Variants in USP50 observed in about 807,000 individuals in gnomAD.
The protein encoded by USP50 is ubiquitin carboxyl-terminal hydrolase 50.
In USP50, 37 loss-of-function variants were observed where a neutral mutation model predicts 39.2. That is an observed-to-expected ratio of 0.94 (90% CI 0.73 to 1.24). The LOEUF is 1.24. Ranked by LOEUF, USP50 falls within the 50% of genes most tolerant of loss-of-function variation. The pLI, the probability that USP50 is intolerant of heterozygous loss-of-function variation, is 0.00. For missense variants in USP50, 374 were observed against 398.2 expected (o/e 0.94, Z 0.52); for synonymous variants, 139 against 144.5 (o/e 0.96, Z 0.27).
At chr15:50,501,737 G>T (rs1165220818) in intron 6 of USP50, 2 of 152,128 alleles carry the variant, frequency 1.3e-5, no homozygotes, top group Non-Finnish European at 2.9e-5. Flanking sequence ...CCAAGGAGGT[G>T]TTATGGTGTA....
At position 50,541,150 on chromosome 15, in the gene USP50, A is replaced by C; in HGVS notation, c.559T>G (p.Tyr187Asp). Residue 187 changes from tyrosine (Y) to aspartate (D), a missense_variant, in exon 4 of 7, where the codon TAT becomes GAT. Coordinates refer to ENST00000532404, the MANE Select transcript of USP50 (RefSeq NM_203494.5). ...ITQLFEEQLN[Y>D]SIVCLKCEKC... The stretch of plus-strand genomic sequence containing the variant: ...TCACACTTTAAACATACGATGCTAT[A>C]ATTGAGCTGCTCTTCAAACAGCTGG... The C allele has an allele frequency of 6.2e-7, 1 of 1,613,956 alleles. No homozygotes were observed.
At chr15:50,517,089 C>T (rs2052809516) in intron 6 of USP50, among the ~76,000 whole-genome samples, 1 of 152,154 alleles carries the variant, frequency 6.6e-6, no homozygotes, top group South Asian at 2.1e-4. Flanking sequence ...ACATTCCATC[C>T]AATAGCAACA....
At chr15:50,546,422 A>G in intron 1 of USP50, 51 bp downstream of exon 1, 2 of 1,602,702 alleles carry the variant, frequency 1.2e-6, no homozygotes, top group Non-Finnish European at 1.7e-6. Context: ...TCTGAGCTTG[A>G]CTTTCCCACC....
chr15:50,545,587 T>C (rs1001223693), intron 1 of USP50, among the ~76,000 whole-genome samples: 17 of 151,410 alleles, frequency 1.1e-4, no homozygotes, highest in African/African-American at 3.4e-4. Flanking sequence ...TATGTATGTA[T>C]GGCATATATA....
chr15:50,526,112 G>A (rs577379070), intron 6 of USP50, among the ~76,000 whole-genome samples: 1 of 152,206 alleles, frequency 6.6e-6, no homozygotes, highest in African/African-American at 2.4e-5. Context: ...AGGCCGGAGC[G>A]CAGTGGCACT....
intron 6 of USP50, among the ~76,000 whole-genome samples, chr15:50,523,175 C>CTGTTTTTTTTT (rs2052863842): frequency 9.6e-6 from 1 of 104,208 alleles, no homozygotes. Context: ...AAATCAGTAG[C>CTGTTTTTTTTT]TTTTTTTTTT....
chr15:50,538,790 G>A lies in USP50; in HGVS notation c.722C>T (p.Ser241Phe), dbSNP rs1198915212. ...ALTWNNEIHC[S>F]FCETKQETAV... ...AGTTTCTTGCTTGGTTTCACAAAAGGAGCAGTGAATTTCGTTGTTCCAGGT... is the reference window on the plus strand; with the variant it reads ...AGTTTCTTGCTTGGTTTCACAAAAGAAGCAGTGAATTTCGTTGTTCCAGGT... The change falls in exon 5 of 7, where the codon TCC becomes TTC. Residue 241 changes from serine to phenylalanine, a missense_variant. Physicochemically the swap from Ser to Phe is radical, Grantham distance 155 (BLOSUM62 -2). Transcript: ENST00000532404. 1 of 1,613,640 alleles carries A rather than the reference G, an allele frequency of 6.2e-7. No homozygotes were observed. The highest frequency in any genetic ancestry group is 1.1e-5 in the South Asian group (1 of 91,004).
chr15:50,520,355 C>CAGTG (rs1329161735), intron 6 of USP50, among the ~76,000 whole-genome samples: 1 of 150,740 alleles, frequency 6.6e-6, no homozygotes, highest in Non-Finnish European at 1.5e-5. Flanking sequence ...GACTGGAGTG[C>CAGTG]AGTGGCATGG....
chr15:50,510,604 G>T (rs1386423678), intron 6 of USP50: 1 of 152,078 alleles, frequency 6.6e-6, no homozygotes, highest in Non-Finnish European at 1.5e-5. Flanking sequence ...GGATTATTTT[G>T]ATCTATGAAG....
intron 5 of USP50, 36 bp from the exon 6 acceptor site, chr15:50,529,965 G>A (rs1452397533): frequency 6.2e-7 from 1 of 1,609,838 alleles, no homozygotes; most frequent in Admixed American, 1.7e-5. Flanking sequence ...TACAAAGTAA[G>A]CTTGTGAACC....
chr15:50,494,272 C>G (rs1297132876), intron 1 of USP50: 2 of 1,598,630 alleles, frequency 1.3e-6, no homozygotes, highest in Non-Finnish European at 1.7e-6. Context: ...CCATGAAGAT[C>G]TAAATAAAGT....
At chr15:50,540,984 G>GC in intron 4 of USP50, 65 bp downstream of exon 4, 1 of 1,265,186 alleles carries the variant, frequency 7.9e-7, no homozygotes, top group Non-Finnish European at 1.1e-6. Flanking sequence ...GTAGGAAACA[G>GC]CCCCGAGAAA....
chr15:50,522,889 C>A (rs2414051), intron 6 of USP50, among the ~76,000 whole-genome samples: 2,212 of 152,160 alleles, frequency 0.015, 57 homozygotes, highest in African/African-American at 0.05. Flanking sequence ...CTCAAGTGAT[C>A]CACTTGCCTC....
intron 6 of USP50, chr15:50,501,154 A>G: frequency 4.0e-6 from 1 of 252,458 alleles, no homozygotes; most frequent in Non-Finnish European, 8.0e-6. Context: ...ATTAAAGGAA[A>G]TTTTACAATA....
At chr15:50,544,135 G>A (rs2053052289) in intron 2 of USP50, 2 of 279,366 alleles carry the variant, frequency 7.2e-6, no homozygotes, top group African/African-American at 2.2e-5. Flanking sequence ...GAGGCCAGGA[G>A]CTCAAGACCA....
intron 6 of USP50, among the ~76,000 whole-genome samples, chr15:50,515,221 T>A (rs1056441405): frequency 6.6e-6 from 1 of 152,026 alleles, no homozygotes; most frequent in African/African-American, 2.4e-5. Flanking sequence ...CAAACTCACT[T>A]TATGAGGCTT....
intron 2 of USP50, chr15:50,544,007 T>G: frequency 1.8e-6 from 1 of 554,988 alleles, no homozygotes; most frequent in Non-Finnish European, 3.2e-6. Context: ...CACCCCAGCT[T>G]GGGTGACAGA....
intron 6 of USP50, chr15:50,505,843 G>A (rs1438237722): frequency 6.6e-6 from 1 of 152,324 alleles, no homozygotes; most frequent in Non-Finnish European, 1.5e-5. Context: ...TGTAGTCCCA[G>A]CTACTTGGCA....
At chr15:50,517,237 G>A (rs1041341144) in intron 6 of USP50, among the ~76,000 whole-genome samples, 4 of 152,140 alleles carry the variant, frequency 2.6e-5, no homozygotes, top group Non-Finnish European at 5.9e-5. Flanking sequence ...TTAGGAGGCT[G>A]AGGCAGGTGG....
Sources: allele counts gnomAD v4.1 joint callset (sites outside exome capture counted in the v4.1 genomes callset), GRCh38; gene constraint gnomAD v4.1.1; transcripts MANE v1.5; gene names NCBI Gene and HGNC (gene_info 2026-07-23, HGNC 2026-07-21).